MCM6: variants seen among roughly 807,000 people sequenced by gnomAD.
MCM6 encodes the protein minichromosome maintenance complex component 6.
A neutral mutation model predicts 94.3 loss-of-function variants in MCM6; 46 were observed. The observed-to-expected ratio is 0.49, with a 90% confidence interval of 0.39 to 0.62. The LOEUF is 0.62. Among genes scored for constraint, MCM6 ranks in the 20% least tolerant of loss-of-function variants. The probability of loss-of-function intolerance (pLI) is 0.00; values close to 1 mark genes in which losing one functional copy is unlikely to be tolerated. For synonymous variants in MCM6, 335 were observed against 351.9 expected, an observed-to-expected ratio of 0.95 and a Z score of 0.54; for missense variants, 865 against 1,017.9, an observed-to-expected ratio of 0.85 and a Z score of 2.04.
At chr2:135,852,652 GA>G (rs368127110) in intron 12 of MCM6, 134 bp downstream of exon 12, 31,729 of 453,686 alleles carry the variant, frequency 0.07, no homozygotes, top group East Asian at 0.091. Flanking sequence ...TGCTGTTCCA[GA>G]AAAAAAAAAA....
At chr2:135,868,216 G>C (rs551028105) in intron 4 of MCM6, among the ~76,000 whole-genome samples, 6 of 152,248 alleles carry the variant, frequency 3.9e-5, no homozygotes, top group Non-Finnish European at 7.4e-5. Flanking sequence ...CTTCAATCAT[G>C]ATAATCCTCA....
intron 11 of MCM6, among the ~76,000 whole-genome samples, chr2:135,855,135 AAC>A (rs1317976670): frequency 6.6e-6 from 1 of 152,236 alleles, no homozygotes; most frequent in Non-Finnish European, 1.5e-5. Context: ...CAGTCTGGGC[AAC>A]AGAGTGAGAC....
intron 9 of MCM6, 100 bp downstream of exon 9, chr2:135,859,201 T>C: frequency 1.0e-6 from 1 of 1,004,900 alleles, no homozygotes; most frequent in Non-Finnish European, 1.5e-6. Context: ...CTGAGAATGC[T>C]GTTTTTAAGG....
intron 7 of MCM6, among the ~76,000 whole-genome samples, chr2:135,863,356 C>T (rs1409663069): frequency 3.9e-5 from 6 of 152,158 alleles, no homozygotes; most frequent in Admixed American, 6.6e-5. Context: ...GTGGAACTGT[C>T]GACTCTCTGA....
chr2:135,868,905 C>T lies in MCM6; in HGVS notation c.366-45G>A, dbSNP rs766250963. On this transcript the variant is annotated intron_variant, in intron 3 of 16. Transcript: ENST00000264156. Reference sequence around the variant, plus strand: ...CCATTAGTAAACATTCATCTCTTAACTAAGAATCTTTCCATTTTAGTGAGA... The same window carrying T: ...CCATTAGTAAACATTCATCTCTTAATTAAGAATCTTTCCATTTTAGTGAGA... 1.0e-5 allele frequency: 16 copies of T among 1,576,106 alleles called. No homozygotes were observed. In the Middle Eastern group the frequency reaches 6.7e-4, roughly 66 times the overall value.
rs1679642240 is a variant in MCM6 at position 135,844,905 on chromosome 2, G to C, written c.2210-221C>G. 2.0e-5 allele frequency among the ~76,000 whole-genome samples: 3 copies of C among 152,304 alleles called. No homozygotes were observed. In the South Asian group the frequency reaches 6.2e-4, roughly 32 times the overall value. ...GCATGCCTTATTTTATCCATAAGGA[G>C]AGAAACCTAATAAAATAGATTATAA... On this transcript the variant is annotated intron_variant, in intron 15 of 16. Coordinates refer to ENST00000264156, the MANE Select transcript of MCM6 (RefSeq NM_005915.6).
At chr2:135,842,220 C>T (rs1044766176) in intron 16 of MCM6, among the ~76,000 whole-genome samples, 2 of 152,174 alleles carry the variant, frequency 1.3e-5, no homozygotes, top group African/African-American at 4.8e-5. Flanking sequence ...TTACTTTACA[C>T]TGATCCCAAG....
chr2:135,870,153 T>C (rs1680174481), intron 3 of MCM6, 98 bp downstream of exon 3: 2 of 791,210 alleles, frequency 2.5e-6, no homozygotes, highest in Admixed American at 1.9e-5. Flanking sequence ...AGCCAGCTAA[T>C]AGCAGATCAA....
intron 1 of MCM6, among the ~76,000 whole-genome samples, chr2:135,874,805 A>C (rs1400219800): frequency 6.6e-6 from 1 of 152,236 alleles, no homozygotes; most frequent in South Asian, 2.1e-4. Context: ...CGTTTCAGAA[A>C]AGGGATACTC....
intron 11 of MCM6, among the ~76,000 whole-genome samples, chr2:135,855,627 C>T (rs1054742648): frequency 1.3e-5 from 2 of 152,132 alleles, no homozygotes; most frequent in Non-Finnish European, 2.9e-5. Flanking sequence ...GACTGTGGCA[C>T]TGCCTGGGTG....
In MCM6 at chr2:135,866,161, C is replaced by T. The variant is rs771823153; in HGVS notation, c.898G>A (p.Ala300Thr). 1.2e-6 allele frequency: 2 copies of T among 1,613,986 alleles called. No individual in the cohort carries two copies. The highest frequency in any genetic ancestry group is 4.5e-5 in the East Asian group (2 of 44,890). Residue 300 changes from alanine to threonine, a missense_variant, in exon 6 of 17, where the codon GCC becomes ACC. Coordinates refer to ENST00000264156, the MANE Select transcript of MCM6 (RefSeq NM_005915.6). ...GGGTTGGTTGGCGCAACACAGCAGG[C>T]AAGAAAGACCAGCCTATAAGAAAGG... ...RDLSYRLVFL[A>T]CCVAPTNPRF...
At chr2:135,861,847 A>C (rs1015200230) in intron 8 of MCM6, among the ~76,000 whole-genome samples, 2 of 152,040 alleles carry the variant, frequency 1.3e-5, no homozygotes, top group African/African-American at 4.8e-5. Flanking sequence ...CCATCTCCTG[A>C]CCTCATGATC....
At chr2:135,866,503 T>C in intron 5 of MCM6, 60 bp downstream of exon 5, 1 of 1,531,534 alleles carries the variant, frequency 6.5e-7, no homozygotes, top group Non-Finnish European at 8.8e-7. Context: ...TGTGGGAAGC[T>C]AGATACTGTG....
At chr2:135,866,312 A>G (rs751233137) in intron 5 of MCM6, 35 bp from the exon 6 acceptor site, 13 of 1,610,950 alleles carry the variant, frequency 8.1e-6, no homozygotes, top group Non-Finnish European at 1.1e-5. Flanking sequence ...CACAACTTAA[A>G]TATTAAAGGT....
In MCM6 at chr2:135,844,649, C is replaced by T; in HGVS notation, c.2245G>A (p.Val749Ile). Reference sequence around the variant, plus strand: ...TCGATTTCCTTCAAGTACCAGTTAACAAGCTCGCTCCTCTTTAATGCTGAC... The same window carrying T: ...TCGATTTCCTTCAAGTACCAGTTAATAAGCTCGCTCCTCTTTAATGCTGAC... Reference protein sequence around the residue: ...DESALKRSELVNWYLKEIESE... With the variant: ...DESALKRSELINWYLKEIESE... The change falls in exon 16 of 17, where the codon GTT becomes ATT. Residue 749 changes from valine (V) to isoleucine (I), a missense_variant. Around this residue, in one of 3 missense-constraint regions of MCM6, gnomAD observed 308 missense variants for 324.5 expected, o/e 0.95. Transcript: ENST00000264156. 1 of 1,589,766 alleles carries T rather than the reference C, an allele frequency of 6.3e-7. No individual in the cohort carries two copies.
intron 1 of MCM6, 75 bp downstream of exon 1, chr2:135,876,184 G>T: frequency 1.7e-6 from 2 of 1,185,166 alleles, no homozygotes; most frequent in Non-Finnish European, 2.3e-6. Flanking sequence ...AACACCCGCC[G>T]CCCACACGGC....
At chr2:135,861,596 T>C (rs1422149366) in intron 8 of MCM6, among the ~76,000 whole-genome samples, 1 of 152,210 alleles carries the variant, frequency 6.6e-6, no homozygotes, top group African/African-American at 2.4e-5. Flanking sequence ...GCATTCCCTT[T>C]GGAAAGTACA....
intron 16 of MCM6, 21 bp from the exon 17 acceptor site, chr2:135,840,972 T>G: frequency 3.9e-6 from 6 of 1,554,360 alleles, no homozygotes; most frequent in African/African-American, 1.4e-5. Flanking sequence ...CAAATATTTG[T>G]CCTCAGGTTT....
At chr2:135,846,121 A>C in intron 15 of MCM6, 116 bp downstream of exon 15, 2 of 1,023,432 alleles carry the variant, frequency 2.0e-6, no homozygotes, top group Non-Finnish European at 2.9e-6. Context: ...GAGTTTATCT[A>C]ACAACTTATC....
Sources: gnomAD v4.1 joint callset for allele counts (sites outside exome capture counted in the v4.1 genomes callset) on GRCh38, gnomAD v4.1.1 for gene constraint, gnomAD v4.1.1 regional missense constraint, MANE v1.5 for transcripts, NCBI Gene and HGNC (gene_info 2026-07-23, HGNC 2026-07-21) for gene names.